FGF13: variants seen among roughly 807,000 people sequenced by gnomAD.
FGF13 encodes fibroblast growth factor homologous factor 2.
FGF13 carries 2 observed loss-of-function variants against 19.5 expected under a neutral mutation model. That is an observed-to-expected ratio of 0.10 (90% CI 0.04 to 0.32). The LOEUF is 0.32. Among genes scored for constraint, FGF13 ranks in the 10% least tolerant of loss-of-function variants. The pLI, the probability that FGF13 is intolerant of heterozygous loss-of-function variation, is 1.00. For missense variants in FGF13, 113 were observed against 192.7 expected, an observed-to-expected ratio of 0.59 and a Z score of 2.45; for synonymous variants, 72 against 76.9, an observed-to-expected ratio of 0.94 and a Z score of 0.33.
At chrX:139,128,565 C>G (rs1260827576) in intron 1 of FGF13, among the ~76,000 whole-genome samples, 1 of 112,531 alleles carries the variant, frequency 8.9e-6, no homozygotes, top group East Asian at 2.8e-4. Flanking sequence ...CCTATATAGC[C>G]TCTGCTTTAG....
intron 1 of FGF13, among the ~76,000 whole-genome samples, chrX:138,888,546 G>T (rs1202051735): frequency 9.1e-6 from 1 of 110,473 alleles, no homozygotes; most frequent in Non-Finnish European, 1.9e-5. Flanking sequence ...CCTAAGGTTG[G>T]CAGCTGACAT....
intron 1 of FGF13, among the ~76,000 whole-genome samples, chrX:138,866,719 T>C (rs1391491974): frequency 8.9e-6 from 1 of 111,802 alleles, no homozygotes; most frequent in Admixed American, 9.5e-5. Context: ...CCTGGGAGCT[T>C]GTTAGAAATG....
intron 3 of FGF13, among the ~76,000 whole-genome samples, chrX:138,744,500 G>GA (rs1436260136): frequency 9.0e-6 from 1 of 111,572 alleles, no homozygotes; most frequent in Non-Finnish European, 1.9e-5. Flanking sequence ...ACAGTGCGTG[G>GA]CATTTCGTAA....
At position 139,172,527 on chromosome X, in the gene FGF13, G is replaced by A. The variant is rs183367631; in HGVS notation, c.-113+30889C>T. 3.3e-4 allele frequency among the ~76,000 whole-genome samples: 37 copies of A among 111,399 alleles called. 1 individual carries two copies. In the Middle Eastern group the frequency reaches 0.014, roughly 41 times the overall value. ...AGCTCTTAGCACACACCAGGTATTC[G>A]ATCCATCCTAGGATTCCGAGGTTCT... On this transcript the variant is annotated intron_variant, in intron 1 of 2. Transcript: ENST00000421460.
chrX:139,134,689 T>C (rs764320506), intron 1 of FGF13, among the ~76,000 whole-genome samples: 1 of 112,142 alleles, frequency 8.9e-6, no homozygotes, highest in Non-Finnish European at 1.9e-5. Flanking sequence ...TGATTAAACA[T>C]AGAGTCATTA....
chrX:139,049,445 T>C (rs958097699), intron 1 of FGF13, among the ~76,000 whole-genome samples: 3 of 112,282 alleles, frequency 2.7e-5, no homozygotes, highest in African/African-American at 9.7e-5. Flanking sequence ...CCTCCAACTC[T>C]CCAACTTCTC....
chrX:139,011,538 G>A (rs935009179), intron 1 of FGF13, among the ~76,000 whole-genome samples: 4 of 111,145 alleles, frequency 3.6e-5, no homozygotes, highest in South Asian at 7.5e-4. Context: ...TTTAACATAC[G>A]TAAGTCAACA....
intron 1 of FGF13, among the ~76,000 whole-genome samples, chrX:139,000,470 TA>T (rs2092067570): frequency 8.9e-6 from 1 of 112,287 alleles, no homozygotes; most frequent in East Asian, 2.8e-4. Flanking sequence ...CTTAATCTGA[TA>T]AGCAACTTCA....
chrX:138,702,229 CAT>C (rs2089953999), intron 3 of FGF13, among the ~76,000 whole-genome samples: 1 of 111,274 alleles, frequency 9.0e-6, no homozygotes, highest in African/African-American at 3.3e-5. Flanking sequence ...AATAAAAATT[CAT>C]ATATCAAATA....
intron 1 of FGF13, among the ~76,000 whole-genome samples, chrX:139,014,785 T>A (rs1170265913): frequency 5.4e-5 from 6 of 111,605 alleles, no homozygotes; most frequent in Non-Finnish European, 5.7e-5. Flanking sequence ...TATAGGCCAC[T>A]ATTGCTGATG....
At chrX:138,943,733 G>A (rs1346576561) in intron 1 of FGF13, among the ~76,000 whole-genome samples, 1 of 111,462 alleles carries the variant, frequency 9.0e-6, no homozygotes. Context: ...ACTGTAAAGG[G>A]GATGAAAGCA....
At chrX:138,806,966 A>T (rs2090873152) in intron 3 of FGF13, 1 of 111,308 alleles carries the variant, frequency 9.0e-6, no homozygotes, top group Non-Finnish European at 1.9e-5. Context: ...ATTGGTGGAG[A>T]AAAAGCTGAA....
At chrX:139,201,095 G>A (rs1160717900) in intron 1 of FGF13, among the ~76,000 whole-genome samples, 1 of 111,977 alleles carries the variant, frequency 8.9e-6, no homozygotes, top group East Asian at 2.8e-4. Flanking sequence ...CTTTTTAATA[G>A]TTTCAAACAG....
intron 1 of FGF13, among the ~76,000 whole-genome samples, chrX:138,890,022 G>A (rs746380106): frequency 1.1e-4 from 12 of 108,739 alleles, no homozygotes; most frequent in Non-Finnish European, 2.1e-4. Context: ...TCCACCTCCC[G>A]GGTTCAAGCG....
At chrX:138,929,265 G>GTGTGTGTGTC (rs773978849) in intron 1 of FGF13, among the ~76,000 whole-genome samples, 6 of 108,131 alleles carry the variant, frequency 5.5e-5, no homozygotes, top group African/African-American at 1.7e-4. Flanking sequence ...GTGTGTGTGT[G>GTGTGTGTGTC]TCTCTCTGTG....
intron 1 of FGF13, among the ~76,000 whole-genome samples, chrX:139,132,642 A>G (rs1451145433): frequency 2.7e-5 from 3 of 112,428 alleles, no homozygotes; most frequent in Non-Finnish European, 5.6e-5. Context: ...TTTAATTAAA[A>G]TAAGAGCAAG....
chrX:138,660,672 C>T (rs1374998303), intron 3 of FGF13, among the ~76,000 whole-genome samples: 1 of 110,922 alleles, frequency 9.0e-6, no homozygotes, highest in African/African-American at 3.3e-5. Context: ...TGACAGTAGT[C>T]ACCCTGTGAA....
At chrX:138,933,322 G>A (rs2091714693) in intron 1 of FGF13, among the ~76,000 whole-genome samples, 1 of 111,964 alleles carries the variant, frequency 8.9e-6, no homozygotes, top group Non-Finnish European at 1.9e-5. Context: ...AACAGCAACA[G>A]ACTTGTGGAA....
intron 3 of FGF13, among the ~76,000 whole-genome samples, chrX:138,664,210 T>C (rs1394350446): frequency 1.8e-5 from 2 of 111,902 alleles, no homozygotes; most frequent in African/African-American, 3.2e-5. Flanking sequence ...ATTTGTTTGA[T>C]TGATGCAATG....
Sources: gnomAD v4.1 joint callset for allele counts (sites outside exome capture counted in the v4.1 genomes callset) on GRCh38, gnomAD v4.1.1 for gene constraint, MANE v1.5 for transcripts, NCBI Gene and HGNC (gene_info 2026-07-23, HGNC 2026-07-21) for gene names.